PARD3B: variants seen among roughly 807,000 people sequenced by gnomAD.
PARD3B encodes par-3 family cell polarity regulator beta, also known as partitioning defective 3 homolog B.
Under a neutral mutation model 130.2 loss-of-function variants are expected in PARD3B, and 103 were observed. That is an observed-to-expected ratio of 0.79 (90% CI 0.67 to 0.93). The LOEUF (loss-of-function observed/expected upper bound fraction) is 0.93. Among genes scored for constraint, PARD3B ranks in the 40% least tolerant of loss-of-function variants. The pLI is 0.00. For missense variants in PARD3B, 1,609 were observed against 1,499.2 expected (o/e 1.07, Z -1.21); for synonymous variants, 583 against 553.2 (o/e 1.05, Z -0.76).
chr2:205,090,725 A>C (rs1011614780), intron 4 of PARD3B, among the ~76,000 whole-genome samples: 1 of 152,184 alleles, frequency 6.6e-6, no homozygotes. Flanking sequence ...GTCAGTCTTC[A>C]TGAGGATTTA....
intron 14 of PARD3B, among the ~76,000 whole-genome samples, chr2:205,191,015 C>T (rs997759358): frequency 1.4e-5 from 2 of 144,804 alleles, no homozygotes; most frequent in African/African-American, 5.2e-5. Flanking sequence ...ATATCTAATA[C>T]ACTTTATATA....
intron 2 of PARD3B, among the ~76,000 whole-genome samples, chr2:204,871,822 A>G (rs2045639886): frequency 6.6e-6 from 1 of 152,164 alleles, no homozygotes; most frequent in Non-Finnish European, 1.5e-5. Flanking sequence ...AAATGTATAC[A>G]AGGCCAGTGG....
chr2:205,455,776 A>C (rs1244612229), intron 20 of PARD3B, among the ~76,000 whole-genome samples: 1 of 152,072 alleles, frequency 6.6e-6, no homozygotes, highest in Admixed American at 6.6e-5. Context: ...ATCTTACATA[A>C]TCGTAGTACA....
chr2:204,697,935 C>T (rs1031070558), intron 2 of PARD3B, among the ~76,000 whole-genome samples: 1 of 152,058 alleles, frequency 6.6e-6, no homozygotes, highest in African/African-American at 2.4e-5. Context: ...TGGGAAAGAT[C>T]GTTTCATCTT....
chr2:204,898,803 G>A (rs541414977), intron 2 of PARD3B, among the ~76,000 whole-genome samples: 1 of 152,260 alleles, frequency 6.6e-6, no homozygotes, highest in Admixed American at 6.5e-5. Context: ...TGGGTGCTTT[G>A]TGTTGGATGC....
intron 2 of PARD3B, among the ~76,000 whole-genome samples, chr2:204,716,091 G>A (rs2038709122): frequency 6.6e-6 from 1 of 152,100 alleles, no homozygotes; most frequent in African/African-American, 2.4e-5. Flanking sequence ...ATTATTAATT[G>A]CATTTGTATC....
rs2039465518 is a variant in PARD3B at position 205,244,039 on chromosome 2, A to G, written c.2141-1739A>G. Among the ~76,000 whole-genome samples, 1 of 152,220 alleles carries G rather than the reference A, an allele frequency of 6.6e-6. No homozygotes were observed. The highest frequency in any genetic ancestry group is 2.4e-5 in the African/African-American group (1 of 41,460). On this transcript the variant is annotated intron_variant, in intron 15 of 22. Transcript: ENST00000406610. The surrounding 1 kb of genome is among the most constrained non-coding windows in gnomAD (Gnocchi z 4.7). The stretch of plus-strand genomic sequence containing the variant: ...TTGGCTCACAACTGGTGCCTTATAA[A>G]TACTTACCTCCCAACTAGAAATAAA...
At chr2:204,949,625 G>A (rs1689605761) in intron 2 of PARD3B, among the ~76,000 whole-genome samples, 1 of 152,024 alleles carries the variant, frequency 6.6e-6, no homozygotes, top group South Asian at 2.1e-4. Context: ...CTCAGCCTTT[G>A]TTTTCCTTTT....
At chr2:205,553,499 AAT>A in intron 22 of PARD3B, 96 bp downstream of exon 22, 3 of 1,253,096 alleles carry the variant, frequency 2.4e-6, no homozygotes, top group Non-Finnish European at 3.4e-6. Context: ...TGAAATAGGG[AAT>A]ATGTTATAAT....
At chr2:205,180,229 C>T (rs952928469) in intron 13 of PARD3B, among the ~76,000 whole-genome samples, 1 of 150,574 alleles carries the variant, frequency 6.6e-6, no homozygotes, top group African/African-American at 2.5e-5. Context: ...TATCAAAACA[C>T]AGACTTATTA....
At chr2:205,075,512 T>C (rs1700988747) in intron 4 of PARD3B, among the ~76,000 whole-genome samples, 1 of 151,920 alleles carries the variant, frequency 6.6e-6, no homozygotes, top group Non-Finnish European at 1.5e-5. Flanking sequence ...TTAAGAAATA[T>C]ATATATGCCT....
intron 20 of PARD3B, among the ~76,000 whole-genome samples, chr2:205,494,372 C>T (rs1031872058): frequency 6.6e-6 from 1 of 152,162 alleles, no homozygotes; most frequent in Non-Finnish European, 1.5e-5. Context: ...TAGTGGTGAA[C>T]TTCCCCAGCA....
intron 2 of PARD3B, among the ~76,000 whole-genome samples, chr2:204,884,213 G>A (rs1338098138): frequency 6.6e-6 from 1 of 152,098 alleles, no homozygotes; most frequent in Non-Finnish European, 1.5e-5. Context: ...AAGAGCCAAT[G>A]GGGTGAAAAT....
chr2:204,719,136 T>G (rs1403293374), intron 2 of PARD3B, among the ~76,000 whole-genome samples: 1 of 152,250 alleles, frequency 6.6e-6, no homozygotes, highest in African/African-American at 2.4e-5. Flanking sequence ...AACTTCATTC[T>G]TAATATATGG....
intron 1 of PARD3B, among the ~76,000 whole-genome samples, chr2:204,658,937 A>G (rs2035718571): frequency 6.6e-6 from 1 of 152,244 alleles, no homozygotes; most frequent in Non-Finnish European, 1.5e-5. Context: ...TCATGTAGAT[A>G]TTAAAATGCA....
chr2:205,165,791 G>A (rs1265753830), intron 11 of PARD3B, among the ~76,000 whole-genome samples: 1 of 151,790 alleles, frequency 6.6e-6, no homozygotes, highest in Non-Finnish European at 1.5e-5. Flanking sequence ...TATGCCCACA[G>A]GTGATTTGCT....
intron 19 of PARD3B, among the ~76,000 whole-genome samples, chr2:205,420,265 T>C (rs748344810): frequency 2.6e-5 from 4 of 152,202 alleles, no homozygotes; most frequent in Non-Finnish European, 5.9e-5. Flanking sequence ...GTCTCAGATG[T>C]GGATAACTGT....
At chr2:205,221,586 A>G (rs151177384) in intron 15 of PARD3B, among the ~76,000 whole-genome samples, 1 of 152,226 alleles carries the variant, frequency 6.6e-6, no homozygotes, top group East Asian at 1.9e-4. Flanking sequence ...ATCCTACACT[A>G]CTTTTTCCCT....
At chr2:204,735,151 A>C (rs1034125772) in intron 2 of PARD3B, among the ~76,000 whole-genome samples, 5 of 151,986 alleles carry the variant, frequency 3.3e-5, no homozygotes, top group African/African-American at 1.2e-4. Flanking sequence ...ATAGTCACAA[A>C]TACTGCGCTA....
Sources: gnomAD v4.1 joint callset for allele counts (sites outside exome capture counted in the v4.1 genomes callset) on GRCh38, gnomAD v4.1.1 for gene constraint, Gnocchi (gnomAD v3.1) non-coding constraint, MANE v1.5 for transcripts, NCBI Gene and HGNC (gene_info 2026-07-23, HGNC 2026-07-21) for gene names.